Variants in ACAP2 observed in about 807,000 individuals in gnomAD.
ACAP2 encodes the protein arf-GAP with coiled-coil, ANK repeat and PH domain-containing protein 2.
A neutral mutation model predicts 115.8 loss-of-function variants in ACAP2; 39 were observed. The ratio of observed to expected loss-of-function variants is 0.34; its 90% CI spans 0.26 to 0.44. The LOEUF (loss-of-function observed/expected upper bound fraction) is 0.44, where lower values mean the gene tolerates loss of function less well. Ranked by LOEUF, ACAP2 falls within the 20% of genes least tolerant of loss-of-function variation. The pLI, the probability that ACAP2 is intolerant of heterozygous loss-of-function variation, is 1.00. For missense variants in ACAP2, 662 were observed against 927.6 expected, an observed-to-expected ratio of 0.71 and a Z score of 3.72; for synonymous variants, 289 against 315.8, an observed-to-expected ratio of 0.92 and a Z score of 0.90.
intron 4 of ACAP2, among the ~76,000 whole-genome samples, chr3:195,363,816 A>C (rs768816170): frequency 7.9e-5 from 12 of 152,158 alleles, no homozygotes; most frequent in Non-Finnish European, 1.6e-4. Flanking sequence ...AAATCCATAC[A>C]TCTAAAGTGA....
At chr3:195,394,642 C>T (rs938232077) in intron 1 of ACAP2, among the ~76,000 whole-genome samples, 1 of 152,160 alleles carries the variant, frequency 6.6e-6, no homozygotes, top group Non-Finnish European at 1.5e-5. Context: ...AGAGCAAAAG[C>T]CAGTCTCTAC....
chr3:195,384,630 G>C (rs1734169013), intron 2 of ACAP2, among the ~76,000 whole-genome samples: 1 of 152,126 alleles, frequency 6.6e-6, no homozygotes, highest in Admixed American at 6.5e-5. Context: ...AGGAGGCTGA[G>C]GCAGGAGAAT....
Position 195,422,770 on chromosome 3 carries a change from T to A in ACAP2, c.53+20025A>T, listed in dbSNP as rs545337085. On this transcript the variant is annotated intron_variant, in intron 1 of 22. Coordinates refer to ENST00000326793, the MANE Select transcript of ACAP2 (RefSeq NM_012287.6). ...GAGCTTCTCACTATGTTTTCTATGA[T>A]GAGCCTCCAAAATCCTTAACATGAC... 5.3e-4 allele frequency among the ~76,000 whole-genome samples: 80 copies of A among 152,350 alleles called. 1 individual carries two copies. Among genetic ancestry groups the A allele is most frequent in the African/African-American group, 1.8e-3 (75 of 41,582 alleles).
intron 1 of ACAP2, among the ~76,000 whole-genome samples, chr3:195,402,709 C>T (rs1459737465): frequency 6.6e-6 from 1 of 152,104 alleles, no homozygotes; most frequent in African/African-American, 2.4e-5. Context: ...AATTTATGAT[C>T]AGACAGGATC....
At chr3:195,347,854 A>G (rs1368732138) in intron 4 of ACAP2, among the ~76,000 whole-genome samples, 1 of 151,944 alleles carries the variant, frequency 6.6e-6, no homozygotes, top group East Asian at 1.9e-4. Flanking sequence ...ATATATATAC[A>G]TTTTCAAATG....
At chr3:195,435,540 T>C (rs1273730177) in intron 1 of ACAP2, among the ~76,000 whole-genome samples, 1 of 152,162 alleles carries the variant, frequency 6.6e-6, no homozygotes, top group African/African-American at 2.4e-5. Context: ...TCCCATAAGT[T>C]TGGCGTGTTC....
At position 195,275,251 on chromosome 3, in the gene ACAP2, A is replaced by G. The variant is rs979816716; in HGVS notation, c.*4077T>C. ...GACCAATGCAGAGAAAAGTTTATGT[A>G]ATCAAATCTTGCTTTGTCTCCACAT... On this transcript the variant is annotated 3_prime_UTR_variant, in exon 23 of 23. Coordinates refer to ENST00000326793, the MANE Select transcript of ACAP2 (RefSeq NM_012287.6). The G allele has an allele frequency of 1.3e-5, 2 of 152,396 alleles. No individual in the cohort carries two copies. Among genetic ancestry groups the G allele is most frequent in the African/African-American group, 4.8e-5 (2 of 41,468 alleles). The allele number at this position is 152,396 out of a possible 1,614,324, so 9.4% of individuals were successfully genotyped here.
At chr3:195,438,747 T>C (rs1483138810) in intron 1 of ACAP2, among the ~76,000 whole-genome samples, 1 of 152,140 alleles carries the variant, frequency 6.6e-6, no homozygotes, top group Non-Finnish European at 1.5e-5. Context: ...AAAAAAAAGT[T>C]ATTCTAAGTT....
chr3:195,361,501 G>T (rs540600106), intron 4 of ACAP2, among the ~76,000 whole-genome samples: 1 of 150,930 alleles, frequency 6.6e-6, no homozygotes, highest in Admixed American at 6.6e-5. Context: ...ACAACAAACC[G>T]AAGCCTATGT....
chr3:195,364,384 A>G (rs952338054), intron 4 of ACAP2, among the ~76,000 whole-genome samples: 1 of 152,110 alleles, frequency 6.6e-6, no homozygotes, highest in Non-Finnish European at 1.5e-5. Flanking sequence ...CAAAACTACA[A>G]TGAGATTATT....
chr3:195,298,479 C>T (rs1727805203), intron 15 of ACAP2, among the ~76,000 whole-genome samples: 1 of 151,956 alleles, frequency 6.6e-6, no homozygotes. Context: ...TGGTCTCAAA[C>T]ACCTAACATC....
chr3:195,431,430 A>G (rs1384215909), intron 1 of ACAP2, among the ~76,000 whole-genome samples: 1 of 151,432 alleles, frequency 6.6e-6, no homozygotes, highest in Non-Finnish European at 1.5e-5. Context: ...TGGTAACTCT[A>G]TGTTTAACTT....
chr3:195,298,062 T>C (rs1270675674), intron 15 of ACAP2, among the ~76,000 whole-genome samples: 1 of 152,158 alleles, frequency 6.6e-6, no homozygotes, highest in Admixed American at 6.5e-5. Flanking sequence ...GGGACACTAA[T>C]ACACATTAAG....
chr3:195,323,049 G>A (rs1450779111), intron 9 of ACAP2, among the ~76,000 whole-genome samples: 6 of 152,184 alleles, frequency 3.9e-5, no homozygotes, highest in African/African-American at 1.4e-4. Context: ...AAAGAGGTAA[G>A]GAGAGCAAGG....
chr3:195,321,128 C>T (rs952659384), intron 9 of ACAP2, among the ~76,000 whole-genome samples: 1 of 149,916 alleles, frequency 6.7e-6, no homozygotes, highest in Non-Finnish European at 1.5e-5. Flanking sequence ...TGATTAAAAG[C>T]ACAAAATAAT....
chr3:195,394,554 G>A (rs1190076955), intron 1 of ACAP2, among the ~76,000 whole-genome samples: 2 of 152,134 alleles, frequency 1.3e-5, no homozygotes, highest in South Asian at 2.1e-4. Flanking sequence ...AGTGGCTCAC[G>A]CCTGTAATCC....
chr3:195,408,320 G>C (rs1026692457), intron 1 of ACAP2, among the ~76,000 whole-genome samples: 1 of 151,986 alleles, frequency 6.6e-6, no homozygotes, highest in South Asian at 2.1e-4. Context: ...AAAATTAGCC[G>C]GGCATTGGTG....
chr3:195,333,926 C>T (rs886155361), intron 7 of ACAP2, among the ~76,000 whole-genome samples: 6 of 152,042 alleles, frequency 3.9e-5, no homozygotes, highest in East Asian at 3.8e-4. Flanking sequence ...ATGAGTCAAC[C>T]GAATTTGCCA....
intron 1 of ACAP2, among the ~76,000 whole-genome samples, chr3:195,415,137 T>C (rs142045998): frequency 4.2e-4 from 64 of 152,310 alleles, no homozygotes; most frequent in African/African-American, 1.5e-3. Flanking sequence ...TGTATCAATG[T>C]AGGCTCAATG....
Sources: allele counts gnomAD v4.1 joint callset (sites outside exome capture counted in the v4.1 genomes callset), GRCh38; gene constraint gnomAD v4.1.1; transcripts MANE v1.5; gene names NCBI Gene and HGNC (gene_info 2026-07-23, HGNC 2026-07-21).